Variants in DYM observed in about 807,000 individuals in gnomAD.
DYM encodes dymeclin, also known as dyggve-Melchior-Clausen syndrome protein.
A neutral mutation model predicts 93.1 loss-of-function variants in DYM; 78 were observed. The observed-to-expected ratio is 0.84, with a 90% confidence interval of 0.70 to 1.01. DYM has a LOEUF of 1.01. DYM is among the 50% of genes least tolerant of loss of function. The pLI is 0.00. For missense variants in DYM, 789 were observed against 845.0 expected (o/e 0.93, Z 0.82); for synonymous variants, 321 against 319.7 (o/e 1.00, Z -0.04).
intron 15 of DYM, among the ~76,000 whole-genome samples, chr18:49,121,688 A>C (rs904207733): frequency 3.3e-5 from 5 of 152,156 alleles, no homozygotes; most frequent in Non-Finnish European, 7.4e-5. Context: ...AAACAAAAAA[A>C]CCCACACACA....
intron 1 of DYM, among the ~76,000 whole-genome samples, chr18:49,455,835 G>C (rs1255336002): frequency 6.6e-6 from 1 of 151,968 alleles, no homozygotes; most frequent in African/African-American, 2.4e-5. Flanking sequence ...TGTAATCCCA[G>C]CTATTCAGGA....
intron 16 of DYM, among the ~76,000 whole-genome samples, chr18:49,117,031 A>G (rs985728379): frequency 1.3e-5 from 2 of 152,218 alleles, no homozygotes; most frequent in Non-Finnish European, 2.9e-5. Context: ...GTGAAGCTAC[A>G]TGGAGTCCTG....
intron 14 of DYM, among the ~76,000 whole-genome samples, chr18:49,175,616 A>G (rs1048052611): frequency 2.6e-5 from 4 of 152,190 alleles, no homozygotes; most frequent in Admixed American, 1.3e-4. Flanking sequence ...GGAGAACAAA[A>G]TAACAAAACT....
At position 49,066,065 on chromosome 18, in the gene DYM, G is replaced by A. The variant is rs555467128; in HGVS notation, c.2026-21861C>T. ...TTTTGTGAAATATAATATGCATACC[G>A]AAAAGTTCCCAAGTGTAAAAGTGTA... On this transcript the variant is annotated intron_variant, in intron 17 of 17. Coordinates refer to ENST00000675505, the MANE Select transcript of DYM (RefSeq NM_001353214.3). 1.2e-4 allele frequency among the ~76,000 whole-genome samples: 19 copies of A among 152,014 alleles called. No individual in the cohort carries two copies. The East Asian group carries it at 1.9e-3, about 16-fold the overall frequency.
chr18:49,441,148 ATATAAT>A (rs1259189267), intron 1 of DYM, among the ~76,000 whole-genome samples: 1 of 1,770 alleles, frequency 5.6e-4, no homozygotes, highest in Non-Finnish European at 2.3e-3. Flanking sequence ...ATATTATATA[ATATAAT>A]ATATATTATA....
intron 15 of DYM, among the ~76,000 whole-genome samples, chr18:49,156,403 C>T (rs933097300): frequency 6.6e-6 from 1 of 151,824 alleles, no homozygotes; most frequent in African/African-American, 2.4e-5. Flanking sequence ...GTGTGGAAGA[C>T]ACACTCAAAC....
chr18:49,384,263 A>T (rs1316760492), intron 3 of DYM, among the ~76,000 whole-genome samples: 1 of 145,354 alleles, frequency 6.9e-6, no homozygotes, highest in Non-Finnish European at 1.5e-5. Context: ...TTGAAGCTGC[A>T]GTGAGCCATG....
intron 6 of DYM, among the ~76,000 whole-genome samples, chr18:49,348,708 A>C (rs1487418556): frequency 6.6e-6 from 1 of 152,080 alleles, no homozygotes; most frequent in Non-Finnish European, 1.5e-5. Flanking sequence ...CAAGACATAG[A>C]GGCCATCCTG....
At chr18:49,084,858 A>G (rs2078360664) in intron 17 of DYM, among the ~76,000 whole-genome samples, 4 of 152,220 alleles carry the variant, frequency 2.6e-5, no homozygotes, top group African/African-American at 7.2e-5. Context: ...TTGTTTAGAA[A>G]TATACACGCA....
Position 49,041,555 on chromosome 18 carries a change from G to C in DYM, c.*2500C>G, listed in dbSNP as rs1476445946. On this transcript the variant is annotated 3_prime_UTR_variant, in exon 18 of 18. Transcript: ENST00000675505. ...AAGAAGCCTCTGGTGACTTTGCAGA[G>C]CTGAGGCAGTGATGCACGTGGTGGG... is the stretch of plus-strand genomic sequence containing the variant. 1 of 152,256 alleles carries C rather than the reference G, an allele frequency of 6.6e-6. No individual in the cohort carries two copies. Among genetic ancestry groups the C allele is most frequent in the East Asian group, 1.9e-4 (1 of 5,204 alleles). The allele number at this position is 152,256 out of a possible 1,614,324, so 9.4% of individuals were successfully genotyped here.
At chr18:49,215,398 C>G (rs545608631) in intron 13 of DYM, among the ~76,000 whole-genome samples, 1 of 152,272 alleles carries the variant, frequency 6.6e-6, no homozygotes, top group South Asian at 2.1e-4. Context: ...TTGAGAATTG[C>G]TGGTGCATGG....
chr18:49,332,149 C>T (rs904428353), intron 7 of DYM, 143 bp from the exon 8 acceptor site: 19 of 848,150 alleles, frequency 2.2e-5, no homozygotes, highest in Non-Finnish European at 3.2e-5. Context: ...TTGAGCACTG[C>T]ACACAACAGT....
At chr18:49,264,749 G>A (rs1026108140) in intron 11 of DYM, among the ~76,000 whole-genome samples, 1 of 152,210 alleles carries the variant, frequency 6.6e-6, no homozygotes, top group Non-Finnish European at 1.5e-5. Flanking sequence ...AGGAATAAAT[G>A]TGTCACATCT....
chr18:49,298,487 A>G (rs2060697614), intron 8 of DYM, among the ~76,000 whole-genome samples: 1 of 151,820 alleles, frequency 6.6e-6, no homozygotes, highest in Non-Finnish European at 1.5e-5. Context: ...AGGCTGAGAC[A>G]GGAGAATTGC....
intron 14 of DYM, among the ~76,000 whole-genome samples, chr18:49,187,157 G>A (rs1010387275): frequency 3.9e-5 from 6 of 152,034 alleles, no homozygotes; most frequent in African/African-American, 7.2e-5. Flanking sequence ...CTGACCTCAT[G>A]ATCGCCCGCC....
chr18:49,425,923 TAG>T (rs2074240399), intron 2 of DYM, among the ~76,000 whole-genome samples: 1 of 151,226 alleles, frequency 6.6e-6, no homozygotes, highest in African/African-American at 2.4e-5. Context: ...TGTGGAGAAA[TAG>T]GAACACTTTT....
intron 8 of DYM, among the ~76,000 whole-genome samples, chr18:49,319,842 T>C (rs971454580): frequency 6.6e-6 from 1 of 152,162 alleles, no homozygotes; most frequent in African/African-American, 2.4e-5. Context: ...TTTTGTCAAG[T>C]ATGGGACCCC....
intron 15 of DYM, among the ~76,000 whole-genome samples, chr18:49,143,760 G>A (rs767667393): frequency 2.0e-5 from 3 of 152,056 alleles, no homozygotes; most frequent in African/African-American, 2.4e-5. Context: ...TTTCTTTATC[G>A]AGAAATTTCA....
chr18:49,139,794 C>T (rs1600076702), intron 15 of DYM, among the ~76,000 whole-genome samples: 3 of 152,148 alleles, frequency 2.0e-5, no homozygotes, highest in African/African-American at 7.2e-5. Flanking sequence ...CTTAACTGCA[C>T]CCCATGGTCA....
Sources: allele counts gnomAD v4.1 joint callset (sites outside exome capture counted in the v4.1 genomes callset), GRCh38; gene constraint gnomAD v4.1.1; transcripts MANE v1.5; gene names NCBI Gene and HGNC (gene_info 2026-07-23, HGNC 2026-07-21).